Variants in OTOGL observed in about 807,000 individuals in gnomAD.
OTOGL encodes otogelin like.
OTOGL carries 285 observed loss-of-function variants against 318.5 expected under a neutral mutation model. The observed-to-expected ratio is 0.89, with a 90% CI of 0.81 to 0.99. The LOEUF (loss-of-function observed/expected upper bound fraction) is 0.99. Ranked by LOEUF, OTOGL falls within the 50% of genes least tolerant of loss-of-function variation. OTOGL has a pLI of 0.00. For missense variants in OTOGL, 2,899 were observed against 2,845.6 expected (o/e 1.02, Z -0.43); for synonymous variants, 987 against 936.5 (o/e 1.05, Z -0.99).
At chr12:80,300,203 G>T (rs968109909) in intron 27 of OTOGL, among the ~76,000 whole-genome samples, 2 of 143,406 alleles carry the variant, frequency 1.4e-5, no homozygotes, top group Middle Eastern at 3.6e-3. Context: ...ATGTGTCGTG[G>T]TTTTTTTTTT....
At chr12:80,107,232 A>G (rs940015850) in intron 1 of OTOGL, among the ~76,000 whole-genome samples, 3 of 152,178 alleles carry the variant, frequency 2.0e-5, no homozygotes, top group African/African-American at 7.2e-5. Context: ...TAAATTTACA[A>G]GCAAAAAGCA....
intron 44 of OTOGL, chr12:80,343,383 T>C (rs1403498113): frequency 1.3e-5 from 2 of 152,086 alleles, no homozygotes; most frequent in African/African-American, 4.8e-5. Flanking sequence ...TTCTCCCATA[T>C]ATGTTAAATC....
chr12:80,250,517 T>C (rs1024341735), intron 11 of OTOGL, among the ~76,000 whole-genome samples: 1 of 152,210 alleles, frequency 6.6e-6, no homozygotes, highest in African/African-American at 2.4e-5. Flanking sequence ...ATAAATGTAA[T>C]GTCTTTCCAG....
At chr12:80,181,197 C>CTT (rs530315939) in intron 1 of OTOGL, among the ~76,000 whole-genome samples, 1 of 151,926 alleles carries the variant, frequency 6.6e-6, no homozygotes, top group African/African-American at 2.4e-5. Context: ...AATTAGCATA[C>CTT]TTTTTTTTAT....
chr12:80,287,162 G>A (rs1884695187), intron 26 of OTOGL, among the ~76,000 whole-genome samples: 2 of 151,780 alleles, frequency 1.3e-5, no homozygotes, highest in African/African-American at 4.9e-5. Flanking sequence ...TTACCTAGTA[G>A]TCATTCAGGA....
At chr12:80,124,887 T>A (rs1870718147) in intron 1 of OTOGL, among the ~76,000 whole-genome samples, 1 of 152,250 alleles carries the variant, frequency 6.6e-6, no homozygotes, top group Non-Finnish European at 1.5e-5. Flanking sequence ...TACATTGATT[T>A]TGTATCCTGA....
intron 7 of OTOGL, 117 bp from the exon 8 acceptor site, chr12:80,229,140 C>T (rs933751894): frequency 1.5e-5 from 17 of 1,165,902 alleles, no homozygotes; most frequent in Non-Finnish European, 1.9e-5. Flanking sequence ...GTAGTTATAA[C>T]GTTGTAAAGT....
chr12:80,215,100 T>G (rs1005539568), intron 4 of OTOGL, among the ~76,000 whole-genome samples: 8 of 152,088 alleles, frequency 5.3e-5, no homozygotes, highest in African/African-American at 1.7e-4. Flanking sequence ...TATTTTTATC[T>G]TGCTTGTGTT....
chr12:80,126,718 G>A (rs1203427344), intron 1 of OTOGL, among the ~76,000 whole-genome samples: 1 of 152,154 alleles, frequency 6.6e-6, no homozygotes, highest in East Asian at 1.9e-4. Context: ...ATGAATCTGG[G>A]TGCTCTTGTA....
intron 1 of OTOGL, among the ~76,000 whole-genome samples, chr12:80,194,340 T>C (rs1247286832): frequency 2.0e-5 from 3 of 152,250 alleles, no homozygotes; most frequent in African/African-American, 7.2e-5. Context: ...TTTTGCTTAA[T>C]GCTTGGGCAG....
chr12:80,102,817 T>C, intron 1 of OTOGL: 1 of 642,190 alleles, frequency 1.6e-6, no homozygotes, highest in Non-Finnish European at 2.8e-6. Context: ...ACCAACTCTT[T>C]ACTCTCGGAG....
intron 28 of OTOGL, 80 bp downstream of exon 28, chr12:80,302,863 T>C: frequency 2.5e-6 from 3 of 1,202,570 alleles, no homozygotes; most frequent in Non-Finnish European, 3.2e-6. Context: ...AATAAAATGA[T>C]TAATGTTTTC....
intron 1 of OTOGL, among the ~76,000 whole-genome samples, chr12:80,168,907 T>C (rs1874006707): frequency 6.6e-6 from 1 of 152,210 alleles, no homozygotes; most frequent in Non-Finnish European, 1.5e-5. Flanking sequence ...CATCTTTCCC[T>C]TTCCTTGCTT....
intron 27 of OTOGL, among the ~76,000 whole-genome samples, chr12:80,302,234 A>G (rs1468831444): frequency 6.6e-6 from 1 of 152,226 alleles, no homozygotes; most frequent in African/African-American, 2.4e-5. Context: ...ATGCGCAGGA[A>G]CAAATTTCTC....
intron 34 of OTOGL, among the ~76,000 whole-genome samples, chr12:80,321,007 A>G (rs917761988): frequency 6.6e-6 from 1 of 152,132 alleles, no homozygotes; most frequent in Non-Finnish European, 1.5e-5. Context: ...CTGTCTGGAC[A>G]TTGGAATCAG....
intron 27 of OTOGL, among the ~76,000 whole-genome samples, chr12:80,299,519 A>G (rs555215043): frequency 6.4e-4 from 97 of 152,124 alleles, no homozygotes; most frequent in African/African-American, 2.3e-3. Flanking sequence ...TTGACCCTAA[A>G]GAAATCCCCT....
At position 80,237,169 on chromosome 12, in the gene OTOGL, A is replaced by G. The variant is rs1223616286; in HGVS notation, c.818-1682A>G. ...TAATAAATTTCACAAATTCCCCTAT[A>G]TGTATTCATTCACTTATTTAGCAAA... On this transcript the variant is annotated intron_variant, in intron 9 of 58. Coordinates refer to ENST00000547103, the MANE Select transcript of OTOGL (RefSeq NM_001378609.3). Among the ~76,000 whole-genome samples, 3 of 151,992 alleles carry G rather than the reference A, an allele frequency of 2.0e-5. No homozygotes were observed. In the East Asian group the frequency reaches 5.8e-4, roughly 29 times the overall value.
chr12:80,288,398 G>A (rs537007554), intron 26 of OTOGL, among the ~76,000 whole-genome samples: 40 of 152,108 alleles, frequency 2.6e-4, no homozygotes, highest in Non-Finnish European at 5.0e-4. Flanking sequence ...TTCTCGAAGA[G>A]TATCTTAGTG....
In OTOGL at chr12:80,380,130, T is replaced by G. The variant is rs1350104650; in HGVS notation, c.*2082T>G. 1 of 151,784 alleles carries G rather than the reference T, an allele frequency of 6.6e-6. No homozygotes were observed. Among genetic ancestry groups the G allele is most frequent in the East Asian group, 1.9e-4 (1 of 5,182 alleles). 9.4% of individuals were successfully genotyped at this position (151,784 alleles called of 1,614,324 possible). Reference sequence around the variant, plus strand: ...TACATCCATTGACATTAGGATAACCTCCAAATGAATCAGAGATTTAAATGT... The same window carrying G: ...TACATCCATTGACATTAGGATAACCGCCAAATGAATCAGAGATTTAAATGT... On this transcript the variant is annotated 3_prime_UTR_variant, in exon 59 of 59. Transcript: ENST00000547103.
Sources: allele counts gnomAD v4.1 joint callset (sites outside exome capture counted in the v4.1 genomes callset), GRCh38; gene constraint gnomAD v4.1.1; transcripts MANE v1.5; gene names NCBI Gene and HGNC (gene_info 2026-07-23, HGNC 2026-07-21).